The following VIPR1 variants were observed in gnomAD, a reference collection of about 807,000 sequenced individuals.
VIPR1 encodes vasoactive intestinal polypeptide receptor 1.
A neutral mutation model predicts 58.8 loss-of-function variants in VIPR1; 59 were observed. The observed-to-expected ratio is 1.00, with a 90% CI of 0.81 to 1.25. The LOEUF (loss-of-function observed/expected upper bound fraction) is 1.25, where lower values mean the gene tolerates loss of function less well. VIPR1 is among the 50% of genes most tolerant of loss of function. The pLI is 0.00. For synonymous variants in VIPR1, 251 were observed against 242.1 expected (o/e 1.04, Z -0.34); for missense variants, 626 against 602.7 (o/e 1.04, Z -0.40).
chr3:42,535,501 GGT>G, intron 12 of VIPR1, 117 bp downstream of exon 12: 1 of 1,172,128 alleles, frequency 8.5e-7, no homozygotes, highest in Non-Finnish European at 1.3e-6. Flanking sequence ...CTCCAAGTAT[GGT>G]CCTCAAACTA....
chr3:42,490,728 G>A (rs1699651401), intron 1 of VIPR1, among the ~76,000 whole-genome samples: 2 of 152,130 alleles, frequency 1.3e-5, no homozygotes, highest in Admixed American at 6.5e-5. Flanking sequence ...GAGTTGGGGG[G>A]AAGGGAGCAG....
At chr3:42,531,642 G>T in intron 8 of VIPR1, 111 bp downstream of exon 8, 2 of 1,563,194 alleles carry the variant, frequency 1.3e-6, no homozygotes, top group Non-Finnish European at 1.8e-6. Context: ...ACAGCTCTCG[G>T]GCCAGAGGGG....
intron 10 of VIPR1, 136 bp from the exon 11 acceptor site, chr3:42,534,839 G>A (rs1701757031): frequency 8.6e-7 from 1 of 1,160,996 alleles, no homozygotes; most frequent in Non-Finnish European, 1.2e-6. Flanking sequence ...AATATTCAGA[G>A]GAACCTACAG....
At chr3:42,490,884 G>A (rs1047489727) in intron 1 of VIPR1, among the ~76,000 whole-genome samples, 2 of 152,148 alleles carry the variant, frequency 1.3e-5, no homozygotes, top group Non-Finnish European at 2.9e-5. Context: ...AAAATAGCAG[G>A]GAGGCTGGTA....
At chr3:42,521,553 A>T (rs1391979954) in intron 3 of VIPR1, 1 of 152,218 alleles carries the variant, frequency 6.6e-6, no homozygotes, top group Non-Finnish European at 1.5e-5. Flanking sequence ...CAGGCCTGGG[A>T]AGAATTATAT....
chr3:42,523,640 C>CACACACAT (rs1553638629), intron 3 of VIPR1, among the ~76,000 whole-genome samples: 2,128 of 150,856 alleles, frequency 0.014, 32 homozygotes, highest in African/African-American at 0.033. Flanking sequence ...CACACACACA[C>CACACACAT]GGCATGTGAA....
intron 12 of VIPR1, among the ~76,000 whole-genome samples, chr3:42,535,715 A>G (rs168207): frequency 0.62 from 94,740 of 152,002 alleles, 30,746 homozygotes; most frequent in African/African-American, 0.8. Flanking sequence ...GTGGGGAGGG[A>G]TGAGGGCTTC....
At chr3:42,513,326 C>A in intron 1 of VIPR1, 1 of 154,964 alleles carries the variant, frequency 6.5e-6, no homozygotes, top group Non-Finnish European at 1.4e-5. Context: ...CAGGATCCAA[C>A]TCCACATAAC....
In VIPR1 at chr3:42,536,336, C is replaced by T. The variant is rs2125683147; in HGVS notation, c.*55C>T. On this transcript the variant is annotated 3_prime_UTR_variant, in exon 13 of 13. Transcript: ENST00000325123. ...CCCTCCCGCCCCTTCCCACTCACCC[C>T]GGCAGACGCCGGGGACAGAGGCCTG... 1.4e-6 allele frequency: 2 copies of T among 1,459,710 alleles called. No individual in the cohort carries two copies. The highest frequency in any genetic ancestry group is 1.8e-6 in the Non-Finnish European group (2 of 1,111,726). 90.4% of individuals were successfully genotyped at this position (1,459,710 alleles called of 1,614,324 possible).
At chr3:42,532,185 C>A (rs1445039680) in intron 9 of VIPR1, 57 bp from the exon 10 acceptor site, 1 of 1,529,788 alleles carries the variant, frequency 6.5e-7, no homozygotes, top group Non-Finnish European at 9.1e-7. Flanking sequence ...AGTCAAGGGG[C>A]CTGAACACCT....
At chr3:42,505,225 G>T (rs1156349981) in intron 1 of VIPR1, among the ~76,000 whole-genome samples, 4 of 148,306 alleles carry the variant, frequency 2.7e-5, no homozygotes, top group Non-Finnish European at 5.9e-5. Flanking sequence ...GTCAGGGGAG[G>T]CTCCTGGAAG....
At position 42,531,821 on chromosome 3, in the gene VIPR1, C is replaced by T; in HGVS notation, c.870C>T (p.Asn290=). The part of the protein sequence containing the change: ...FEDYGCWDTI[N]SSLWWIIKGP... ...TGCTCAGGTGCTGGGACACCATCAA[C>T]TCCTCACTGTGGTGGATCATAAAGG... Residue 290 remains asparagine, a synonymous_variant, in exon 9 of 13, where the codon AAC becomes AAT. Transcript: ENST00000325123. The T allele has an allele frequency of 6.2e-7, 1 of 1,614,154 alleles. No individual in the cohort carries two copies. Among genetic ancestry groups the T allele is most frequent in the Non-Finnish European group, 8.5e-7 (1 of 1,180,028 alleles).
intron 1 of VIPR1, 74 bp downstream of exon 1, chr3:42,502,887 G>T: frequency 2.7e-6 from 3 of 1,111,340 alleles, no homozygotes; most frequent in Non-Finnish European, 3.4e-6. Context: ...GGGGGATGGC[G>T]GGAGCCGGGC....
chr3:42,517,592 G>A (rs567168278), intron 2 of VIPR1, among the ~76,000 whole-genome samples: 8 of 152,346 alleles, frequency 5.3e-5, no homozygotes, highest in Admixed American at 3.9e-4. Flanking sequence ...CAGCCACAAT[G>A]CAGGGTTTTC....
chr3:42,506,300 G>A (rs866039501), intron 1 of VIPR1, among the ~76,000 whole-genome samples: 18 of 152,156 alleles, frequency 1.2e-4, no homozygotes, highest in East Asian at 1.9e-4. Context: ...AACCTGCCAC[G>A]TGCCACAACT....
rs1295333493 is a variant in VIPR1, at chr3:42,532,017, CT to C, written c.918+149del. 57 of 982,910 alleles carry C rather than the reference CT, an allele frequency of 5.8e-5. 1 individual carries two copies. The highest frequency in any genetic ancestry group is 1.9e-5 in the Non-Finnish European group (12 of 644,636). 60.9% of individuals were successfully genotyped at this position (982,910 alleles called of 1,614,324 possible). Reference sequence around the variant, plus strand: ...ATGCAGGATCATCCCCACCCCTGTCCTACCAGTTCTTCCTTGAGCGTAAGCG... The same window carrying C: ...ATGCAGGATCATCCCCACCCCTGTCCACCAGTTCTTCCTTGAGCGTAAGCG... On this transcript the variant is annotated intron_variant, in intron 9 of 12. Coordinates refer to ENST00000325123, the MANE Select transcript of VIPR1 (RefSeq NM_004624.4).
intron 2 of VIPR1, 65 bp downstream of exon 2, chr3:42,513,919 A>C: frequency 1.7e-5 from 25 of 1,499,348 alleles, no homozygotes; most frequent in Middle Eastern, 1.7e-4. Context: ...CTCATGTCTC[A>C]AGCTGAGATC....
At chr3:42,524,044 T>C (rs1701101008) in intron 3 of VIPR1, among the ~76,000 whole-genome samples, 1 of 152,238 alleles carries the variant, frequency 6.6e-6, no homozygotes, top group African/African-American at 2.4e-5. Flanking sequence ...TCTTGAACTC[T>C]GACCTCGTGA....
At chr3:42,493,988 C>T (rs887855269) in intron 1 of VIPR1, among the ~76,000 whole-genome samples, 2 of 152,230 alleles carry the variant, frequency 1.3e-5, no homozygotes, top group Non-Finnish European at 2.9e-5. Context: ...TGCCCACACC[C>T]GTCCTGGGCC....
Sources: gnomAD v4.1 joint callset for allele counts (sites outside exome capture counted in the v4.1 genomes callset) on GRCh38, gnomAD v4.1.1 for gene constraint, MANE v1.5 for transcripts, NCBI Gene and HGNC (gene_info 2026-07-23, HGNC 2026-07-21) for gene names.